The following THSD4 variants were observed in gnomAD, a reference collection of about 807,000 sequenced individuals.
The protein encoded by THSD4 is thrombospondin type 1 domain containing 4, also known as thrombospondin type-1 domain-containing protein 4.
A neutral mutation model predicts 119.0 loss-of-function variants in THSD4; 69 were observed. That is an observed-to-expected ratio of 0.58 (90% confidence interval 0.48 to 0.71). The LOEUF is 0.71. Ranked by LOEUF, THSD4 falls within the 30% of genes least tolerant of loss-of-function variation. THSD4 has a pLI of 0.00. For missense variants in THSD4, 1,393 were observed against 1,391.1 expected (o/e 1.00, Z -0.02); for synonymous variants, 524 against 540.4 (o/e 0.97, Z 0.42).
rs767972973 is a variant in THSD4, at chr15:71,745,102, G to T, written c.1907-4G>T. On this transcript the variant is annotated splice_polypyrimidine_tract_variant and splice_region_variant and intron_variant, in intron 11 of 17. Transcript: ENST00000261862. ...GTCCTTCAGACATTCTCCTGTTGTT[G>T]CAGGATCGCAGTACCCTATTTTCCG... is the stretch of plus-strand genomic sequence containing the variant. 6.2e-7 allele frequency: 1 copy of T among 1,609,130 alleles called. No individual in the cohort carries two copies. The highest frequency in any genetic ancestry group is 1.7e-5 in the Admixed American group (1 of 59,884).
At chr15:71,184,656 C>A (rs770437129) in intron 3 of THSD4, among the ~76,000 whole-genome samples, 1 of 151,772 alleles carries the variant, frequency 6.6e-6, no homozygotes, top group Non-Finnish European at 1.5e-5. Flanking sequence ...CAAAGCTGAA[C>A]CCCAGTGATG....
intron 8 of THSD4, among the ~76,000 whole-genome samples, chr15:71,724,289 T>TATA (rs1567119984): frequency 1.5e-4 from 4 of 26,752 alleles, no homozygotes; most frequent in African/African-American, 2.5e-4. Flanking sequence ...ATATATATAT[T>TATA]TTTTTTTTCC....
At chr15:71,752,796 G>A (rs915510039) in intron 14 of THSD4, among the ~76,000 whole-genome samples, 5 of 152,190 alleles carry the variant, frequency 3.3e-5, no homozygotes, top group African/African-American at 7.2e-5. Flanking sequence ...CTTCAGCTGC[G>A]TGTTACCAGG....
chr15:71,713,832 G>T (rs1467521261), intron 8 of THSD4, among the ~76,000 whole-genome samples: 1 of 152,138 alleles, frequency 6.6e-6, no homozygotes, highest in Non-Finnish European at 1.5e-5. Flanking sequence ...GTTTTAACAG[G>T]CCTAACTAGT....
intron 6 of THSD4, among the ~76,000 whole-genome samples, chr15:71,313,522 G>A (rs969502694): frequency 6.6e-6 from 1 of 152,184 alleles, no homozygotes; most frequent in African/African-American, 2.4e-5. Flanking sequence ...AGGACACACA[G>A]CTAATGCATG....
At chr15:71,582,505 A>G (rs1426586571) in intron 7 of THSD4, among the ~76,000 whole-genome samples, 3 of 152,092 alleles carry the variant, frequency 2.0e-5, no homozygotes, top group African/African-American at 7.2e-5. Context: ...TCCAGCTAGT[A>G]GTTCAGTATT....
At chr15:71,098,727 C>T (rs2040242231) in intron 1 of THSD4, among the ~76,000 whole-genome samples, 1 of 152,138 alleles carries the variant, frequency 6.6e-6, no homozygotes, top group African/African-American at 2.4e-5. Context: ...ATAATATACT[C>T]ATCCAAATGG....
chr15:71,447,109 A>ATTTTTTTTTTTTTTTTTTTTTTT lies in THSD4; in HGVS notation c.1152+35294_1152+35295insTTTTTTTTTTTTTTTTTTTTTTT, dbSNP rs1491223591. Among the ~76,000 whole-genome samples the ATTTTTTTTTTTTTTTTTTTTTTT allele has an allele frequency of 7.2e-5, 5 of 69,448 alleles. 2 individuals are homozygous for ATTTTTTTTTTTTTTTTTTTTTTT. Among genetic ancestry groups the ATTTTTTTTTTTTTTTTTTTTTTT allele is most frequent in the African/African-American group, 1.1e-4 (2 of 18,132 alleles). 45.6% of individuals were successfully genotyped at this position (69,448 alleles called of 152,430 possible). On this transcript the variant is annotated intron_variant, in intron 7 of 17. Coordinates refer to ENST00000261862, the MANE Select transcript of THSD4 (RefSeq NM_024817.3). The stretch of plus-strand genomic sequence containing the variant: ...TGTCCTCTGTTGCCCTCTTCCCTCC[A>ATTTTTTTTTTTTTTTTTTTTTTT]TTTTTTTTGTTTTTTTTTTTTTTTT...
chr15:71,389,810 G>GGTTTTTTTTTTTTTT (rs1555408976), intron 6 of THSD4, among the ~76,000 whole-genome samples: 9 of 87,998 alleles, frequency 1.0e-4, no homozygotes, highest in African/African-American at 3.9e-4. Context: ...TTTCTGGGTT[G>GGTTTTTTTTTTTTTT]TTTTTTTTTT....
intron 7 of THSD4, among the ~76,000 whole-genome samples, chr15:71,540,870 G>A (rs1192684872): frequency 6.6e-6 from 1 of 151,312 alleles, no homozygotes; most frequent in African/African-American, 2.4e-5. Flanking sequence ...TTACAAGCAC[G>A]TGCCACCACA....
chr15:71,347,294 C>T (rs142649712), intron 6 of THSD4, among the ~76,000 whole-genome samples: 73 of 152,244 alleles, frequency 4.8e-4, no homozygotes, highest in African/African-American at 1.6e-3. Context: ...ATCAATTTCA[C>T]ATCACCACTG....
intron 7 of THSD4, among the ~76,000 whole-genome samples, chr15:71,608,186 A>G (rs998751587): frequency 6.8e-6 from 1 of 147,706 alleles, no homozygotes; most frequent in Non-Finnish European, 1.5e-5. Flanking sequence ...TCGCGCCACT[A>G]TACTCCAGCC....
At chr15:71,585,582 G>T (rs2049650719) in intron 7 of THSD4, among the ~76,000 whole-genome samples, 1 of 151,802 alleles carries the variant, frequency 6.6e-6, no homozygotes. Flanking sequence ...AGTCTGTTCG[G>T]GGTTACTTGG....
chr15:71,322,593 A>G (rs1248832834), intron 6 of THSD4, among the ~76,000 whole-genome samples: 1 of 152,228 alleles, frequency 6.6e-6, no homozygotes, highest in Non-Finnish European at 1.5e-5. Context: ...GGAATTGAGA[A>G]GTGGCTTGGC....
chr15:71,268,521 A>G (rs754195596), intron 6 of THSD4, among the ~76,000 whole-genome samples: 15 of 152,314 alleles, frequency 9.8e-5, no homozygotes, highest in Admixed American at 4.6e-4. Context: ...GCTAAAATCA[A>G]CACCCCAACA....
At chr15:71,485,671 C>T (rs1298469354) in intron 7 of THSD4, among the ~76,000 whole-genome samples, 1 of 151,604 alleles carries the variant, frequency 6.6e-6, no homozygotes, top group Non-Finnish European at 1.5e-5. Flanking sequence ...TTGTCCAGGG[C>T]CCACAGCTCT....
At chr15:71,195,764 G>T (rs928312228) in intron 3 of THSD4, among the ~76,000 whole-genome samples, 11 of 152,154 alleles carry the variant, frequency 7.2e-5, no homozygotes, top group African/African-American at 2.4e-4. Flanking sequence ...AAGACTGGTG[G>T]CAGGGAGACC....
intron 1 of THSD4, among the ~76,000 whole-genome samples, chr15:71,128,091 A>G (rs921856279): frequency 3.9e-5 from 6 of 152,204 alleles, no homozygotes; most frequent in African/African-American, 7.2e-5. Flanking sequence ...AAATATAATA[A>G]CAAAAATAAA....
intron 8 of THSD4, among the ~76,000 whole-genome samples, chr15:71,673,748 C>T (rs1359409479): frequency 2.0e-5 from 3 of 152,104 alleles, no homozygotes; most frequent in Admixed American, 2.0e-4. Flanking sequence ...TCGTTATGTA[C>T]CCAGTAGTCA....
Sources: gnomAD v4.1 joint callset for allele counts (sites outside exome capture counted in the v4.1 genomes callset) on GRCh38, gnomAD v4.1.1 for gene constraint, MANE v1.5 for transcripts, NCBI Gene and HGNC (gene_info 2026-07-23, HGNC 2026-07-21) for gene names.